Variants in FTO observed in about 807,000 individuals in gnomAD.
FTO encodes alpha-ketoglutarate-dependent dioxygenase FTO.
FTO carries 47 observed loss-of-function variants against 63.9 expected under a neutral mutation model. That is an observed-to-expected ratio of 0.74 (90% CI 0.58 to 0.94). The LOEUF is 0.94. Ranked by LOEUF, FTO falls within the 40% of genes least tolerant of loss-of-function variation. The pLI, the probability that FTO is intolerant of heterozygous loss-of-function variation, is 0.00. For missense variants in FTO, 562 were observed against 618.1 expected (o/e 0.91, Z 0.96); for synonymous variants, 207 against 224.4 (o/e 0.92, Z 0.69).
chr16:53,844,073 A>G, intron 3 of FTO, 82 bp from the exon 4 acceptor site: 1 of 1,079,072 alleles, frequency 9.3e-7, no homozygotes, highest in South Asian at 1.5e-5. Context: ...TAAAATATCA[A>G]TTCTTTCTAA....
intron 7 of FTO, among the ~76,000 whole-genome samples, chr16:53,924,175 G>A (rs966153862): frequency 1.3e-5 from 2 of 152,240 alleles, no homozygotes; most frequent in Admixed American, 6.5e-5. Flanking sequence ...AGCATTTTGT[G>A]TATGCTGAGC....
chr16:53,896,977 C>T (rs544087336), intron 7 of FTO, among the ~76,000 whole-genome samples: 11 of 152,210 alleles, frequency 7.2e-5, no homozygotes, highest in African/African-American at 2.2e-4. Flanking sequence ...TACAGAGAGC[C>T]CCGGGAACAC....
intron 7 of FTO, among the ~76,000 whole-genome samples, chr16:53,897,134 A>AT (rs946049455): frequency 2.0e-5 from 3 of 152,012 alleles, no homozygotes; most frequent in African/African-American, 7.3e-5. Flanking sequence ...CTCTGTGATT[A>AT]TTTGTAGATG....
chr16:53,741,309 T>C (rs1167650199), intron 1 of FTO, among the ~76,000 whole-genome samples: 1 of 152,244 alleles, frequency 6.6e-6, no homozygotes, highest in Non-Finnish European at 1.5e-5. Context: ...CATTTGCGTG[T>C]GTGTGTTTAC....
intron 4 of FTO, among the ~76,000 whole-genome samples, chr16:53,846,330 A>AT (rs560662757): frequency 2.3e-4 from 35 of 150,850 alleles, no homozygotes; most frequent in Admixed American, 4.0e-4. Flanking sequence ...ACATTGTTTC[A>AT]TTTTTTTTTG....
chr16:53,738,180 G>A (rs1168526453), intron 1 of FTO, among the ~76,000 whole-genome samples: 1 of 151,890 alleles, frequency 6.6e-6, no homozygotes, highest in Non-Finnish European at 1.5e-5. Flanking sequence ...GCGCCACCAC[G>A]CCCAGCTAAT....
chr16:54,043,095 A>C, intron 8 of FTO, among the ~76,000 whole-genome samples: 1 of 72,282 alleles, frequency 1.4e-5, no homozygotes, highest in African/African-American at 1.4e-4. Flanking sequence ...CAACAGAACA[A>C]AGCTGGATGG....
intron 7 of FTO, among the ~76,000 whole-genome samples, chr16:53,905,795 C>T (rs909851767): frequency 6.6e-6 from 1 of 152,178 alleles, no homozygotes; most frequent in Non-Finnish European, 1.5e-5. Flanking sequence ...AAAGTCATAA[C>T]ACAACACATA....
At chr16:53,728,419 T>A (rs1273792900) in intron 1 of FTO, among the ~76,000 whole-genome samples, 1 of 152,154 alleles carries the variant, frequency 6.6e-6, no homozygotes, top group Non-Finnish European at 1.5e-5. Flanking sequence ...TCCTTTTTTC[T>A]CCTTCCCTTC....
intron 1 of FTO, among the ~76,000 whole-genome samples, chr16:53,725,523 C>T (rs535013865): frequency 4.6e-5 from 7 of 152,020 alleles, no homozygotes; most frequent in Non-Finnish European, 1.0e-4. Flanking sequence ...TATTTTTTGC[C>T]TAAGAGTGGA....
chr16:53,953,196 A>G (rs2082840871), intron 8 of FTO, among the ~76,000 whole-genome samples: 1 of 152,224 alleles, frequency 6.6e-6, no homozygotes, highest in East Asian at 1.9e-4. Context: ...GTCTTACACC[A>G]TTGTAGTCTA....
chr16:53,874,621 C>T (rs111672596), intron 5 of FTO, among the ~76,000 whole-genome samples: 15 of 152,170 alleles, frequency 9.9e-5, no homozygotes, highest in Non-Finnish European at 1.9e-4. Flanking sequence ...GAAAATTGGG[C>T]GGAAGTGGTA....
chr16:53,732,703 A>G (rs1365604305), intron 1 of FTO, among the ~76,000 whole-genome samples: 1 of 152,126 alleles, frequency 6.6e-6, no homozygotes, highest in East Asian at 1.9e-4. Context: ...GGCAGATTAC[A>G]TTGTTACCGC....
chr16:53,987,194 C>T (rs1335028451), intron 8 of FTO, among the ~76,000 whole-genome samples: 4 of 152,144 alleles, frequency 2.6e-5, no homozygotes, highest in African/African-American at 7.2e-5. Context: ...TACATCACTT[C>T]TATTTTTTGA....
At chr16:54,034,072 G>A (rs2144232693) in intron 8 of FTO, 1 of 152,316 alleles carries the variant, frequency 6.6e-6, no homozygotes, top group East Asian at 1.9e-4. Context: ...CTTCGGGAAA[G>A]TGTAGCAGTA....
chr16:53,844,149 T>G lies in FTO; in HGVS notation c.752-6T>G. ...CCTTTCTGATCATTTTCTTCTCTTT[T>G]GGCAGGCCCTGAAGAGGAAAGTGAG... is the stretch of plus-strand genomic sequence containing the variant. On this transcript the variant is annotated splice_region_variant and splice_polypyrimidine_tract_variant and intron_variant, in intron 3 of 8. Coordinates refer to ENST00000471389, the MANE Select transcript of FTO (RefSeq NM_001080432.3). The G allele has an allele frequency of 1.9e-6, 3 of 1,612,338 alleles. No homozygotes were observed. Among genetic ancestry groups the G allele is most frequent in the Non-Finnish European group, 2.5e-6 (3 of 1,178,466 alleles).
intron 8 of FTO, among the ~76,000 whole-genome samples, chr16:53,976,457 G>GT (rs59195557): frequency 0.28 from 42,189 of 150,634 alleles, 6,307 homozygotes; most frequent in East Asian, 0.49. Flanking sequence ...TATGTGTCAG[G>GT]TTTTTTTTTG....
chr16:53,853,788 G>A (rs376393245), intron 4 of FTO, among the ~76,000 whole-genome samples: 1 of 152,084 alleles, frequency 6.6e-6, no homozygotes, highest in Admixed American at 6.5e-5. Context: ...ATAAACATAT[G>A]CGTGCAGATA....
chr16:53,870,949 A>AT, intron 4 of FTO, among the ~76,000 whole-genome samples: 1 of 152,190 alleles, frequency 6.6e-6, no homozygotes, highest in Non-Finnish European at 1.5e-5. Context: ...ATAGAATAGT[A>AT]GATTGACAGT....
Sources: gnomAD v4.1 joint callset for allele counts (sites outside exome capture counted in the v4.1 genomes callset) on GRCh38, gnomAD v4.1.1 for gene constraint, MANE v1.5 for transcripts, NCBI Gene and HGNC (gene_info 2026-07-23, HGNC 2026-07-21) for gene names.